CNNM2: variants seen among roughly 807,000 people sequenced by gnomAD.
CNNM2 encodes cyclin and CBS domain divalent metal cation transport mediator 2, also known as metal transporter CNNM2.
A neutral mutation model predicts 66.9 loss-of-function variants in CNNM2; 12 were observed. That is an observed-to-expected ratio of 0.18 (90% confidence interval 0.11 to 0.29). CNNM2 has a LOEUF of 0.29. Ranked by LOEUF, CNNM2 falls within the 10% of genes least tolerant of loss-of-function variation. CNNM2 has a pLI of 1.00. For missense variants in CNNM2, 705 were observed against 1,167.7 expected, an observed-to-expected ratio of 0.60 and a Z score of 5.77; for synonymous variants, 557 against 501.8, an observed-to-expected ratio of 1.11 and a Z score of -1.47.
chr10:103,028,808 CTTTTTCTTTTTTTT>C lies in CNNM2; in HGVS notation c.1622-20879_1622-20866del, dbSNP rs1006714450. ...CCATTTTCTTCTTTCTTTTCTTTTT[CTTTTTCTTTTTTTT>C]TTTTTCTTTTTTTTTTTTTTGAGAC... On this transcript the variant is annotated intron_variant, in intron 1 of 7. Transcript: ENST00000369878. Among the ~76,000 whole-genome samples, 53 of 135,148 alleles carry C rather than the reference CTTTTTCTTTTTTTT, an allele frequency of 3.9e-4. No individual in the cohort carries two copies. In the South Asian group the frequency reaches 7.9e-3, roughly 20 times the overall value. The allele number at this position is 135,148 out of a possible 152,430, so 88.7% of individuals were successfully genotyped here. A position where few individuals can be genotyped will look rare whatever the true frequency, so the allele number is the denominator to read the frequency against.
At position 103,082,388 on chromosome 10, in the gene CNNM2, G is replaced by A. The variant is rs571534501; in HGVS notation, c.*5208G>A. The A allele has an allele frequency of 6.6e-6, 1 of 152,296 alleles. No individual in the cohort carries two copies. The highest frequency in any genetic ancestry group is 2.1e-4 in the South Asian group (1 of 4,814). The allele number at this position is 152,296 out of a possible 1,614,324, so 9.4% of individuals were successfully genotyped here. On this transcript the variant is annotated 3_prime_UTR_variant, in exon 8 of 8. Transcript: ENST00000369878. ...GACTTCTAGAGCAGAGCAAAGTTGG[G>A]AAGAATGAGGTCTTAGGATTCTCAT... is the stretch of plus-strand genomic sequence containing the variant.
intron 1 of CNNM2, among the ~76,000 whole-genome samples, chr10:103,040,699 A>G (rs1041842259): frequency 1.3e-5 from 2 of 152,176 alleles, no homozygotes; most frequent in Non-Finnish European, 2.9e-5. Context: ...ACAGGTGTGC[A>G]GATAACAAGC....
At position 102,975,469 on chromosome 10, in the gene CNNM2, G is replaced by GAA. The variant is rs57482469; in HGVS notation, c.1621+55386_1621+55387dup. Among the ~76,000 whole-genome samples, 22,172 of 118,820 alleles carry GAA rather than the reference G, an allele frequency of 0.19. 2,526 individuals are homozygous for GAA. The highest frequency in any genetic ancestry group is 0.22 in the Non-Finnish European group (13,256 of 59,830). The allele number at this position is 118,820 out of a possible 152,430, so 78.0% of individuals were successfully genotyped here. A position where few individuals can be genotyped will look rare whatever the true frequency, so the allele number is the denominator to read the frequency against. On this transcript the variant is annotated intron_variant, in intron 1 of 7. Coordinates refer to ENST00000369878, the MANE Select transcript of CNNM2 (RefSeq NM_017649.5). ...GAGTGGATTCTGTGGGATGGAATTA[G>GAA]AAAAAAAAAAAAAAAAAAACAAACC... is the stretch of plus-strand genomic sequence containing the variant.
rs1011542454 is a variant in CNNM2 at position 103,089,922 on chromosome 10, A to C, written c.*12742A>C. 6.4e-7 allele frequency: 1 copy of C among 1,569,514 alleles called. No individual in the cohort carries two copies. The highest frequency in any genetic ancestry group is 8.6e-7 in the Non-Finnish European group (1 of 1,156,772). ...TTCATGAGGCATCTAGACAGAAAAA[A>C]GCTAGAGGCTCAGAAAGCAGGCAGA... On this transcript the variant is annotated 3_prime_UTR_variant, in exon 8 of 8. Coordinates refer to ENST00000369878, the MANE Select transcript of CNNM2 (RefSeq NM_017649.5).
intron 1 of CNNM2, among the ~76,000 whole-genome samples, chr10:102,982,627 G>A (rs2063735848): frequency 6.6e-6 from 1 of 152,156 alleles, no homozygotes; most frequent in Admixed American, 6.5e-5. Flanking sequence ...TTAGTTCTTT[G>A]TGGCTTTAGG....
Position 103,040,391 on chromosome 10 carries a change from G to A in CNNM2, c.1622-9316G>A, listed in dbSNP as rs116896090. ...TGACTGTGAAAAGTCAAGTCTGGGC[G>A]GATGAAGCTTAAGAAGGGGAGAGTG... On this transcript the variant is annotated intron_variant, in intron 1 of 7. Transcript: ENST00000369878. Among the ~76,000 whole-genome samples the A allele has an allele frequency of 4.1e-3, 617 of 152,076 alleles. 20 individuals are homozygous for A. The East Asian group carries it at 0.072, about 18-fold the overall frequency.
chr10:103,004,459 T>C (rs1419697131), intron 1 of CNNM2, among the ~76,000 whole-genome samples: 1 of 152,198 alleles, frequency 6.6e-6, no homozygotes, highest in East Asian at 1.9e-4. Context: ...TGCCAGGAAG[T>C]GGAATTGCTG....
At chr10:103,017,137 G>A (rs1360404388) in intron 1 of CNNM2, among the ~76,000 whole-genome samples, 2 of 152,118 alleles carry the variant, frequency 1.3e-5, no homozygotes, top group Non-Finnish European at 2.9e-5. Flanking sequence ...TGGTAAGAAC[G>A]TGGATGTTTG....
intron 6 of CNNM2, among the ~76,000 whole-genome samples, chr10:103,072,928 G>A (rs2065617037): frequency 6.6e-6 from 1 of 152,310 alleles, no homozygotes; most frequent in South Asian, 2.1e-4. Context: ...TGTAACATGG[G>A]GTGTATGGAC....
Position 103,054,028 on chromosome 10 carries a change from C to CT in CNNM2, c.1766-300dup, listed in dbSNP as rs760310404. On this transcript the variant is annotated intron_variant, in intron 2 of 7. Coordinates refer to ENST00000369878, the MANE Select transcript of CNNM2 (RefSeq NM_017649.5). The surrounding 1 kb of genome is among the most constrained non-coding windows in gnomAD (Gnocchi z 5.2). ...GCTTCTGTGGGTCTTGTGAGAGGCT[C>CT]TGTCAGCATTTGCCTGATGCTGTGC... 7.2e-5 allele frequency among the ~76,000 whole-genome samples: 11 copies of CT among 152,134 alleles called. No individual in the cohort carries two copies. Among genetic ancestry groups the CT allele is most frequent in the Non-Finnish European group, 1.3e-4 (9 of 68,024 alleles).
rs568993258 is a variant in CNNM2 at position 103,090,024 on chromosome 10, A to C, written c.*12844A>C. 9 of 713,138 alleles carry C rather than the reference A, an allele frequency of 1.3e-5. No homozygotes were observed. The Admixed American group carries it at 1.3e-4, about 10-fold the overall frequency. The allele number at this position is 713,138 out of a possible 1,614,324, so 44.2% of individuals were successfully genotyped here. On this transcript the variant is annotated 3_prime_UTR_variant, in exon 8 of 8. Coordinates refer to ENST00000369878, the MANE Select transcript of CNNM2 (RefSeq NM_017649.5). ...TGCAATTACATCTATAATGGACCAC[A>C]GGACAAGTCAATATAGACTTATCTT...
intron 1 of CNNM2, among the ~76,000 whole-genome samples, chr10:103,019,427 G>A (rs940799235): frequency 6.6e-6 from 1 of 152,158 alleles, no homozygotes; most frequent in Non-Finnish European, 1.5e-5. Flanking sequence ...GAGCAAGTGG[G>A]GACAGTGAAT....
At chr10:102,972,298 G>A (rs141121388) in intron 1 of CNNM2, among the ~76,000 whole-genome samples, 1 of 152,102 alleles carries the variant, frequency 6.6e-6, no homozygotes, top group African/African-American at 2.4e-5. Context: ...ATAAAATGTG[G>A]GGTCCAAATC....
intron 1 of CNNM2, among the ~76,000 whole-genome samples, chr10:102,983,711 G>T (rs973615640): frequency 1.3e-5 from 2 of 151,926 alleles, no homozygotes; most frequent in African/African-American, 4.8e-5. Context: ...AAAGTGCTGG[G>T]ATTACAGGCA....
chr10:102,946,437 G>T (rs1243031852), intron 1 of CNNM2, among the ~76,000 whole-genome samples: 1 of 152,054 alleles, frequency 6.6e-6, no homozygotes, highest in Non-Finnish European at 1.5e-5. Flanking sequence ...TGCTTTTAGG[G>T]ATACCTAAAA....
At chr10:102,999,656 C>T (rs542086572) in intron 1 of CNNM2, among the ~76,000 whole-genome samples, 2 of 152,206 alleles carry the variant, frequency 1.3e-5, no homozygotes, top group African/African-American at 4.8e-5. Context: ...CCTTCCCCCC[C>T]CACCTCTCCG....
At chr10:103,033,808 T>C (rs973975123) in intron 1 of CNNM2, among the ~76,000 whole-genome samples, 5 of 152,126 alleles carry the variant, frequency 3.3e-5, no homozygotes, top group Admixed American at 1.3e-4. Flanking sequence ...TTAAGAGCTA[T>C]TGGGGGAAAG....
chr10:103,074,151 G>A (rs2065649934), intron 6 of CNNM2, among the ~76,000 whole-genome samples: 1 of 151,942 alleles, frequency 6.6e-6, no homozygotes, highest in South Asian at 2.1e-4. Context: ...AGCTGGGCGT[G>A]GTGGTGCATG....
chr10:103,071,860 T>G, intron 6 of CNNM2, 21 bp downstream of exon 6: 1 of 1,608,150 alleles, frequency 6.2e-7, no homozygotes, highest in African/African-American at 1.3e-5. Context: ...ATGCTTCCTT[T>G]CCGTAATTCT....
Sources: gnomAD v4.1 joint callset for allele counts (sites outside exome capture counted in the v4.1 genomes callset) on GRCh38, gnomAD v4.1.1 for gene constraint, Gnocchi (gnomAD v3.1) non-coding constraint, MANE v1.5 for transcripts, NCBI Gene and HGNC (gene_info 2026-07-23, HGNC 2026-07-21) for gene names.